The following PLPP1 variants were observed in gnomAD, a reference collection of about 807,000 sequenced individuals.
The protein encoded by PLPP1 is lipid phosphate phosphohydrolase 1a.
In PLPP1, 24 loss-of-function variants were observed where a neutral mutation model predicts 31.2. That is an observed-to-expected ratio of 0.77 (90% confidence interval 0.56 to 1.08). The LOEUF (loss-of-function observed/expected upper bound fraction) is 1.08. PLPP1 is among the 50% of genes least tolerant of loss of function. The pLI is 0.00. For synonymous variants in PLPP1, 146 were observed against 126.3 expected (o/e 1.16, Z -1.05); for missense variants, 319 against 342.7 (o/e 0.93, Z 0.55).
chr5:55,529,372 A>G (rs1030199940), intron 1 of PLPP1, among the ~76,000 whole-genome samples: 33 of 152,242 alleles, frequency 2.2e-4, no homozygotes, highest in African/African-American at 7.7e-4. Context: ...ATACCAACTG[A>G]AAGTTTCTAA....
Position 55,425,311 on chromosome 5 carries a change from G to A in PLPP1, c.750C>T (p.Phe250=), listed in dbSNP as rs771117056. The change falls in exon 6 of 6, where the codon TTC becomes TTT. Residue 250 remains phenylalanine (F), a synonymous_variant. Transcript: ENST00000307259. ...ILVAVYVSDF[F]KERTSFKERK... is the part of the protein sequence containing the mutation. ...TTTCTTTAAAAGAAGTTCTTTCTTT[G>A]AAGAAATCCGATACATATACAGCCT... is the stretch of plus-strand genomic sequence containing the variant. 4 of 1,605,674 alleles carry A rather than the reference G, an allele frequency of 2.5e-6. No homozygotes were observed. Among genetic ancestry groups the A allele is most frequent in the Non-Finnish European group, 2.6e-6 (3 of 1,172,922 alleles).
chr5:55,533,524 T>G (rs537686356), intron 1 of PLPP1, among the ~76,000 whole-genome samples: 1 of 152,246 alleles, frequency 6.6e-6, no homozygotes, highest in African/African-American at 2.4e-5. Flanking sequence ...AACTAGGAAC[T>G]ACTGGATTAA....
At chr5:55,531,414 T>C (rs1740662989) in intron 1 of PLPP1, among the ~76,000 whole-genome samples, 1 of 152,106 alleles carries the variant, frequency 6.6e-6, no homozygotes, top group South Asian at 2.1e-4. Context: ...CACAGTAAAA[T>C]TATAAAGTAG....
chr5:55,495,044 T>G (rs947095568), intron 1 of PLPP1, among the ~76,000 whole-genome samples: 3 of 148,100 alleles, frequency 2.0e-5, no homozygotes, highest in African/African-American at 7.5e-5. Flanking sequence ...GGCAGTAGAA[T>G]CGCTTGAACC....
rs747191668 is a variant in PLPP1 at position 55,425,309 on chromosome 5, T to C, written c.752A>G (p.Lys251Arg). Reference sequence around the variant, plus strand: ...TCTTTCTTTAAAAGAAGTTCTTTCTTTGAAGAAATCCGATACATATACAGC... The same window carrying C: ...TCTTTCTTTAAAAGAAGTTCTTTCTCTGAAGAAATCCGATACATATACAGC... The part of the protein sequence containing the change: ...LVAVYVSDFF[K>R]ERTSFKERKE... Residue 251 changes from lysine to arginine, a missense_variant, in exon 6 of 6, where the codon AAA (lysine) becomes AGA (arginine). Lys to Arg is a conservative substitution (Grantham distance 26, BLOSUM62 2). Coordinates refer to ENST00000307259, the MANE Select transcript of PLPP1 (RefSeq NM_003711.4). The C allele has an allele frequency of 1.2e-6, 2 of 1,608,084 alleles. No homozygotes were observed. The highest frequency in any genetic ancestry group is 3.3e-5 in the Admixed American group (2 of 59,792).
chr5:55,455,049 A>G (rs1351720923), intron 3 of PLPP1, among the ~76,000 whole-genome samples: 3 of 152,200 alleles, frequency 2.0e-5, no homozygotes, highest in Non-Finnish European at 4.4e-5. Flanking sequence ...AAGGAAATTT[A>G]TTTCTCACAT....
intron 1 of PLPP1, among the ~76,000 whole-genome samples, chr5:55,504,099 G>T (rs1278011181): frequency 1.3e-5 from 2 of 151,934 alleles, no homozygotes; most frequent in African/African-American, 4.8e-5. Flanking sequence ...GGCCGGGTGT[G>T]GTGGCTCACG....
chr5:55,438,134 AG>A (rs1473738005), intron 4 of PLPP1, among the ~76,000 whole-genome samples: 1 of 152,226 alleles, frequency 6.6e-6, no homozygotes, highest in African/African-American at 2.4e-5. Context: ...GAAGGGTCTC[AG>A]GAAAAGTATT....
chr5:55,528,226 AAGC>A (rs1740540068), intron 1 of PLPP1, among the ~76,000 whole-genome samples: 1 of 152,166 alleles, frequency 6.6e-6, no homozygotes, highest in South Asian at 2.1e-4. Context: ...AGAAAAAAAA[AAGC>A]AGCAGCAGCT....
chr5:55,489,254 T>C (rs1752837846), intron 1 of PLPP1, among the ~76,000 whole-genome samples: 3 of 152,150 alleles, frequency 2.0e-5, no homozygotes, highest in Non-Finnish European at 4.4e-5. Context: ...AGCAATTATC[T>C]CCTCAAATAC....
At chr5:55,448,783 A>G (rs1346056549) in intron 3 of PLPP1, among the ~76,000 whole-genome samples, 2 of 152,126 alleles carry the variant, frequency 1.3e-5, no homozygotes, top group African/African-American at 2.4e-5. Flanking sequence ...CTGTCGCCCC[A>G]TGGTATCTGT....
chr5:55,460,800 T>C (rs1752137689), intron 3 of PLPP1, among the ~76,000 whole-genome samples: 1 of 152,126 alleles, frequency 6.6e-6, no homozygotes, highest in Non-Finnish European at 1.5e-5. Flanking sequence ...AAGCTATGAC[T>C]GGGCCACCGC....
intron 3 of PLPP1, among the ~76,000 whole-genome samples, chr5:55,458,148 G>T (rs1264072670): frequency 6.6e-6 from 1 of 152,126 alleles, no homozygotes; most frequent in Non-Finnish European, 1.5e-5. Context: ...AAAACAAGAT[G>T]CTAATCCTTA....
chr5:55,435,045 C>T (rs1437985316), intron 4 of PLPP1, among the ~76,000 whole-genome samples: 2 of 152,140 alleles, frequency 1.3e-5, no homozygotes, highest in African/African-American at 2.4e-5. Context: ...CTCAACTCAA[C>T]GGTAGAAAAC....
chr5:55,528,994 G>C (rs530509541), intron 1 of PLPP1, among the ~76,000 whole-genome samples: 1 of 151,734 alleles, frequency 6.6e-6, no homozygotes, highest in Admixed American at 6.6e-5. Flanking sequence ...ACTGTATCAC[G>C]GTCACACATT....
rs189609783 is a variant in PLPP1 at position 55,460,044 on chromosome 5, G to A, written c.491+7825C>T. Among the ~76,000 whole-genome samples, 250 of 152,232 alleles carry A rather than the reference G, an allele frequency of 1.6e-3. 1 individual carries two copies. Among genetic ancestry groups the A allele is most frequent in the Middle Eastern group, 0.014 (4 of 294 alleles). ...ATGACATACAAAATATGCATTAATG[G>A]ACTGTTTACGTTATTAAGGCTTCCA... On this transcript the variant is annotated intron_variant, in intron 3 of 5. Coordinates refer to ENST00000307259, the MANE Select transcript of PLPP1 (RefSeq NM_003711.4).
intron 4 of PLPP1, among the ~76,000 whole-genome samples, chr5:55,437,038 A>C (rs1393889303): frequency 6.6e-6 from 1 of 152,130 alleles, no homozygotes; most frequent in East Asian, 1.9e-4. Flanking sequence ...AGAAGGCCCC[A>C]CCATTACCCA....
intron 4 of PLPP1, among the ~76,000 whole-genome samples, chr5:55,430,496 G>C (rs1044963672): frequency 1.3e-5 from 2 of 152,332 alleles, no homozygotes; most frequent in East Asian, 3.9e-4. Context: ...TACAGCCAAA[G>C]AAATCATACT....
chr5:55,494,310 G>C (rs1055457206), intron 1 of PLPP1, among the ~76,000 whole-genome samples: 3 of 152,192 alleles, frequency 2.0e-5, no homozygotes, highest in East Asian at 3.8e-4. Context: ...AGAATGTTTT[G>C]AATATAGAAA....
Sources: gnomAD v4.1 joint callset for allele counts (sites outside exome capture counted in the v4.1 genomes callset) on GRCh38, gnomAD v4.1.1 for gene constraint, MANE v1.5 for transcripts, NCBI Gene and HGNC (gene_info 2026-07-23, HGNC 2026-07-21) for gene names.